The following RANBP2 variants were observed in gnomAD, a reference collection of about 807,000 sequenced individuals.
RANBP2 encodes RAN binding protein 2, also known as E3 SUMO-protein ligase RanBP2.
RANBP2 carries 57 observed loss-of-function variants against 303.6 expected under a neutral mutation model. That is an observed-to-expected ratio of 0.19 (90% CI 0.15 to 0.23). The LOEUF is 0.23. Ranked by LOEUF, RANBP2 falls within the 10% of genes least tolerant of loss-of-function variation. RANBP2 has a pLI of 1.00. For synonymous variants in RANBP2, 1,167 were observed against 1,301.5 expected (o/e 0.90, Z 2.23); for missense variants, 3,138 against 3,780.8 (o/e 0.83, Z 4.46).
At chr2:109,187,414 G>A in the RANBP2 span, among the ~76,000 whole-genome samples, 5 of 151,732 alleles carry the variant, frequency 3.3e-5, no homozygotes, top group Non-Finnish European at 7.4e-5. Context: ...GCTTAAGGCC[G>A]CACACACGTA....
At chr2:108,897,893 AAAG>A in the RANBP2 span, among the ~76,000 whole-genome samples, 1 of 152,220 alleles carries the variant, frequency 6.6e-6, no homozygotes, top group Admixed American at 6.5e-5. Context: ...AAAGTGGAGA[AAAG>A]AAGACAGACC....
the RANBP2 span, among the ~76,000 whole-genome samples, chr2:108,919,285 G>A: frequency 1.3e-5 from 2 of 152,192 alleles, no homozygotes; most frequent in Non-Finnish European, 2.9e-5. Flanking sequence ...TTGCCTGAGG[G>A]GACTTCGTCA....
intron 17 of RANBP2, among the ~76,000 whole-genome samples, chr2:108,755,496 G>T (rs879235127): frequency 6.6e-6 from 1 of 151,784 alleles, no homozygotes; most frequent in Non-Finnish European, 1.5e-5. Flanking sequence ...CTCAAGAGAG[G>T]CTCTTGGCTC....
chr2:109,289,227 C>G, the RANBP2 span, among the ~76,000 whole-genome samples: 3 of 152,216 alleles, frequency 2.0e-5, no homozygotes, highest in Non-Finnish European at 4.4e-5. Context: ...ACTGCACGCT[C>G]TATGTGCACA....
At chr2:108,815,201 A>G in the RANBP2 span, among the ~76,000 whole-genome samples, 2 of 152,188 alleles carry the variant, frequency 1.3e-5, no homozygotes, top group African/African-American at 4.8e-5. Flanking sequence ...GAAGAGAAAG[A>G]TAAGTTTCAT....
intron 6 of RANBP2, among the ~76,000 whole-genome samples, chr2:108,738,674 G>A (rs1695826479): frequency 2.0e-5 from 3 of 149,046 alleles, no homozygotes; most frequent in Non-Finnish European, 4.4e-5. Context: ...TGTTGCCCAG[G>A]CTAGAGTGCA....
the RANBP2 span, among the ~76,000 whole-genome samples, chr2:108,889,737 T>C: frequency 6.6e-6 from 1 of 152,206 alleles, no homozygotes; most frequent in South Asian, 2.1e-4. Context: ...TCTTAATCCA[T>C]TCAGCTATTC....
At chr2:109,192,328 A>C in the RANBP2 span, among the ~76,000 whole-genome samples, 3 of 152,266 alleles carry the variant, frequency 2.0e-5, no homozygotes, top group Non-Finnish European at 4.4e-5. Context: ...TACAAAAAGC[A>C]GAAAATGAGT....
At chr2:109,059,832 G>A in the RANBP2 span, among the ~76,000 whole-genome samples, 1 of 120,302 alleles carries the variant, frequency 8.3e-6, no homozygotes, top group Admixed American at 7.8e-5. Context: ...GGTTTTGGTG[G>A]GTGGGGGGGA....
At chr2:108,872,391 G>T in the RANBP2 span, among the ~76,000 whole-genome samples, 1 of 152,068 alleles carries the variant, frequency 6.6e-6, no homozygotes, top group East Asian at 1.9e-4. Context: ...GCTTTTGTTG[G>T]ACTATTACTG....
the RANBP2 span, among the ~76,000 whole-genome samples, chr2:109,586,039 T>C: frequency 3.3e-5 from 5 of 152,158 alleles, no homozygotes; most frequent in African/African-American, 1.2e-4. Context: ...ACATTTCTTA[T>C]CCCCTTCATA....
At chr2:108,908,058 G>T in the RANBP2 span, 4 of 1,571,598 alleles carry the variant, frequency 2.5e-6, no homozygotes, top group Non-Finnish European at 2.6e-6. Flanking sequence ...CAGTGCCTGG[G>T]GGGGCTGCAG....
At chr2:108,811,935 G>T in the RANBP2 span, among the ~76,000 whole-genome samples, 1 of 152,032 alleles carries the variant, frequency 6.6e-6, no homozygotes, top group Non-Finnish European at 1.5e-5. Flanking sequence ...CCATGTTGCT[G>T]CAGAAGACAT....
the RANBP2 span, among the ~76,000 whole-genome samples, chr2:109,350,336 G>C: frequency 6.6e-6 from 1 of 152,160 alleles, no homozygotes; most frequent in Non-Finnish European, 1.5e-5. Context: ...GATCTGTGAC[G>C]GCTCCCACAG....
the RANBP2 span, among the ~76,000 whole-genome samples, chr2:109,372,976 C>A: frequency 6.6e-5 from 10 of 152,206 alleles, no homozygotes; most frequent in African/African-American, 2.4e-4. Flanking sequence ...AAGCCCTTTG[C>A]AGTTAGTCCA....
the RANBP2 span, among the ~76,000 whole-genome samples, chr2:108,945,548 C>G: frequency 6.6e-6 from 1 of 152,112 alleles, no homozygotes; most frequent in Non-Finnish European, 1.5e-5. Flanking sequence ...CTTGTTGGCA[C>G]TGTCTGCATT....
At chr2:109,035,999 G>C in the RANBP2 span, among the ~76,000 whole-genome samples, 2 of 152,188 alleles carry the variant, frequency 1.3e-5, no homozygotes, top group Non-Finnish European at 2.9e-5. Context: ...CATTTTTCAA[G>C]TTGAAGATAG....
chr2:109,598,793 C>T, the RANBP2 span, among the ~76,000 whole-genome samples: 1 of 151,908 alleles, frequency 6.6e-6, no homozygotes, highest in Non-Finnish European at 1.5e-5. Flanking sequence ...GGCAGGAGAA[C>T]TGCTTGAACC....
the RANBP2 span, among the ~76,000 whole-genome samples, chr2:109,060,120 T>C: frequency 6.6e-6 from 1 of 152,064 alleles, no homozygotes; most frequent in East Asian, 1.9e-4. Context: ...CAGTTACAGC[T>C]GATTGAAAAT....
Sources: gnomAD v4.1 joint callset for allele counts (sites outside exome capture counted in the v4.1 genomes callset) on GRCh38, gnomAD v4.1.1 for gene constraint, MANE v1.5 for transcripts, NCBI Gene and HGNC (gene_info 2026-07-23, HGNC 2026-07-21) for gene names.